Variants in HNF4A observed in about 807,000 individuals in gnomAD.
HNF4A encodes the protein hepatocyte nuclear factor 4-alpha.
In HNF4A, 15 loss-of-function variants were observed where a neutral mutation model predicts 52.4. The ratio of observed to expected loss-of-function variants is 0.29; its 90% CI spans 0.19 to 0.44. The LOEUF is 0.44. Among genes scored for constraint, HNF4A ranks in the 20% least tolerant of loss-of-function variants. The probability of loss-of-function intolerance (pLI) is 1.00; values close to 1 mark genes in which losing one functional copy is unlikely to be tolerated. For synonymous variants in HNF4A, 280 were observed against 264.4 expected, an observed-to-expected ratio of 1.06 and a Z score of -0.57; for missense variants, 479 against 647.2, an observed-to-expected ratio of 0.74 and a Z score of 2.82.
intron 1 of HNF4A, among the ~76,000 whole-genome samples, chr20:44,367,863 T>C (rs1429792313): frequency 6.6e-6 from 1 of 151,696 alleles, no homozygotes; most frequent in Non-Finnish European, 1.5e-5. Flanking sequence ...GAAAACAAAG[T>C]CTCAGAGAGA....
At chr20:44,371,512 T>C (rs1008950921) in intron 1 of HNF4A, among the ~76,000 whole-genome samples, 1 of 151,970 alleles carries the variant, frequency 6.6e-6, no homozygotes, top group African/African-American at 2.4e-5. Context: ...CACAGCAAGA[T>C]TCTGTCTCTA....
At chr20:44,406,409 C>A (rs892456176) in intron 2 of HNF4A, among the ~76,000 whole-genome samples, 177 bp downstream of exon 2, 6 of 152,222 alleles carry the variant, frequency 3.9e-5, no homozygotes, top group Non-Finnish European at 7.3e-5. Context: ...TTCTAGGAAC[C>A]ACATTTACTG....
Position 44,428,324 on chromosome 20 carries a change from T to C in HNF4A, c.1130-11T>C. The C allele has an allele frequency of 6.2e-7, 1 of 1,613,832 alleles. No homozygotes were observed. Among genetic ancestry groups the C allele is most frequent in the Non-Finnish European group, 8.5e-7 (1 of 1,179,972 alleles). ...AGACTCTCCATCCTGATCGACCTTC[T>C]CTACCTGCAGGGTCCCCCAGCGATG... is the stretch of plus-strand genomic sequence containing the variant. On this transcript the variant is annotated splice_polypyrimidine_tract_variant and intron_variant, in intron 8 of 9. Transcript: ENST00000316099.
intron 1 of HNF4A, among the ~76,000 whole-genome samples, chr20:44,363,137 T>A (rs1418162535): frequency 6.6e-6 from 1 of 152,170 alleles, no homozygotes; most frequent in African/African-American, 2.4e-5. Flanking sequence ...ATTACAGGCC[T>A]GAGCCACTGC....
chr20:44,378,783 G>T (rs2063115445), intron 1 of HNF4A, among the ~76,000 whole-genome samples: 1 of 151,734 alleles, frequency 6.6e-6, no homozygotes, highest in Admixed American at 6.6e-5. Context: ...GCCGGGCGTG[G>T]TGGTGCGTGC....
chr20:44,367,408 G>A (rs1201362207), intron 1 of HNF4A, among the ~76,000 whole-genome samples: 1 of 151,814 alleles, frequency 6.6e-6, no homozygotes, highest in Non-Finnish European at 1.5e-5. Context: ...CACTTTGAGA[G>A]GCCGAGGCAG....
At chr20:44,377,573 G>C (rs143156253) in intron 1 of HNF4A, among the ~76,000 whole-genome samples, 4 of 152,172 alleles carry the variant, frequency 2.6e-5, no homozygotes, top group Non-Finnish European at 4.4e-5. Context: ...GACAAGCCTG[G>C]GCAACATGGT....
chr20:44,401,337 G>A lies in HNF4A; in HGVS notation c.-36G>A. ...GGGGGCCTTCGGGGTGGGCGCCCAGGGTAGGGCAGGTGGCCGCGGCGTGGA... is the reference window on the plus strand; with the variant it reads ...GGGGGCCTTCGGGGTGGGCGCCCAGAGTAGGGCAGGTGGCCGCGGCGTGGA... On this transcript the variant is annotated 5_prime_UTR_variant, in exon 1 of 10. Coordinates refer to ENST00000316099, the MANE Select transcript of HNF4A (RefSeq NM_000457.6). 6.2e-7 allele frequency: 1 copy of A among 1,613,506 alleles called. No individual in the cohort carries two copies. The highest frequency in any genetic ancestry group is 8.5e-7 in the Non-Finnish European group (1 of 1,179,818).
At chr20:44,415,088 A>G (rs551580037) in intron 5 of HNF4A, among the ~76,000 whole-genome samples, 19 of 152,280 alleles carry the variant, frequency 1.2e-4, no homozygotes, top group Admixed American at 2.6e-4. Context: ...GGCTTAAGCT[A>G]TGGCTCTAAG....
intron 1 of HNF4A, among the ~76,000 whole-genome samples, chr20:44,357,381 A>G (rs1382649567): frequency 6.6e-6 from 1 of 152,140 alleles, no homozygotes; most frequent in Admixed American, 6.5e-5. Flanking sequence ...TTAATCCACA[A>G]TTTTAAGACC....
chr20:44,378,036 C>G (rs959690309), intron 1 of HNF4A, among the ~76,000 whole-genome samples: 1 of 152,202 alleles, frequency 6.6e-6, no homozygotes, highest in African/African-American at 2.4e-5. Context: ...TTTGGTTGCT[C>G]TACAACCTCA....
At chr20:44,359,827 A>G (rs1003088641) in intron 1 of HNF4A, among the ~76,000 whole-genome samples, 3 of 152,150 alleles carry the variant, frequency 2.0e-5, no homozygotes, top group Non-Finnish European at 4.4e-5. Context: ...GTCTACCACA[A>G]TGGAGTAGAG....
At chr20:44,424,318 C>G in intron 8 of HNF4A, 64 bp downstream of exon 8, 1 of 1,597,178 alleles carries the variant, frequency 6.3e-7, no homozygotes, top group Non-Finnish European at 8.5e-7. Context: ...AGGCCTCACA[C>G]AGTGAGCTCA....
At position 44,413,555 on chromosome 20, in the gene HNF4A, C is replaced by T. The variant is rs966620350; in HGVS notation, c.386-139C>T. On this transcript the variant is annotated intron_variant, in intron 3 of 9. Coordinates refer to ENST00000316099, the MANE Select transcript of HNF4A (RefSeq NM_000457.6). ...CCACCAGCTGAGTTAGAGGCCATCT[C>T]CCCTCATTCCACATGCTGATGTGGG... The T allele has an allele frequency of 1.8e-4, 125 of 710,250 alleles. No individual in the cohort carries two copies. In the East Asian group the frequency reaches 3.2e-3, roughly 18 times the overall value. 44.0% of individuals were successfully genotyped at this position (710,250 alleles called of 1,614,324 possible).
chr20:44,390,629 G>A, intron 1 of HNF4A: 1 of 702,562 alleles, frequency 1.4e-6, no homozygotes, highest in East Asian at 2.7e-5. Context: ...CCCCATAGCA[G>A]CAGGAGGAGG....
At chr20:44,414,469 G>C (rs762040249) in intron 4 of HNF4A, 38 bp from the exon 5 acceptor site, 1 of 1,613,926 alleles carries the variant, frequency 6.2e-7, no homozygotes, top group South Asian at 1.1e-5. Context: ...GGGAGGGCCC[G>C]GACATCTCCA....
In HNF4A at chr20:44,380,317, A is replaced by G. The variant is rs141873323; in HGVS notation, c.49+24464A>G. 2.6e-5 allele frequency among the ~76,000 whole-genome samples: 4 copies of G among 152,170 alleles called. No individual in the cohort carries two copies. In the East Asian group the frequency reaches 7.7e-4, roughly 29 times the overall value. On this transcript the variant is annotated intron_variant, in intron 1 of 9. Coordinates refer to the HNF4A transcript ENST00000316673. ...TTGCCAATTTTTTTGTTTTCTTGAG[A>G]CAGGTCTTGCTCTGTCACCCAGGCT...
chr20:44,374,163 A>G (rs1269319024), intron 1 of HNF4A, among the ~76,000 whole-genome samples: 3 of 152,132 alleles, frequency 2.0e-5, no homozygotes, highest in East Asian at 1.9e-4. Context: ...CGCAGCGTCT[A>G]TTGTTCCTCT....
intron 1 of HNF4A, chr20:44,402,779 G>A: frequency 5.1e-6 from 2 of 390,792 alleles, no homozygotes; most frequent in Admixed American, 3.5e-5. Flanking sequence ...GTGTCTTGGA[G>A]CCACTCAGCC....
Sources: allele counts gnomAD v4.1 joint callset (sites outside exome capture counted in the v4.1 genomes callset), GRCh38; gene constraint gnomAD v4.1.1; transcripts MANE v1.5; gene names NCBI Gene and HGNC (gene_info 2026-07-23, HGNC 2026-07-21).